The following SYN3 variants were observed in gnomAD, a reference collection of about 807,000 sequenced individuals.
SYN3 encodes the protein synapsin III.
SYN3 carries 35 observed loss-of-function variants against 65.8 expected under a neutral mutation model. The ratio of observed to expected loss-of-function variants is 0.53; its 90% CI spans 0.41 to 0.70. The LOEUF (loss-of-function observed/expected upper bound fraction) is 0.70. Ranked by LOEUF, SYN3 falls within the 30% of genes least tolerant of loss-of-function variation. The pLI, the probability that SYN3 is intolerant of heterozygous loss-of-function variation, is 0.00. For synonymous variants in SYN3, 270 were observed against 292.9 expected (o/e 0.92, Z 0.80); for missense variants, 680 against 749.0 (o/e 0.91, Z 1.08).
chr22:32,600,114 T>C (rs889024626), intron 6 of SYN3, among the ~76,000 whole-genome samples: 1 of 152,152 alleles, frequency 6.6e-6, no homozygotes, highest in African/African-American at 2.4e-5. Context: ...TTGTAATACA[T>C]GATGAAATAA....
intron 7 of SYN3, among the ~76,000 whole-genome samples, chr22:32,550,657 A>G (rs958843128): frequency 2.0e-5 from 3 of 151,852 alleles, no homozygotes; most frequent in Non-Finnish European, 4.4e-5. Flanking sequence ...TTAAAAACAT[A>G]TATGCATTTT....
chr22:32,987,003 G>A (rs1005228151), intron 2 of SYN3, among the ~76,000 whole-genome samples: 2 of 152,132 alleles, frequency 1.3e-5, no homozygotes, highest in Non-Finnish European at 2.9e-5. Context: ...CTCTTTTGTG[G>A]CTGCAGCAGG....
At position 32,541,629 on chromosome 22, in the gene SYN3, T is replaced by C; in HGVS notation, c.859A>G (p.Ile287Val). ...ATGCGGATGTCGTACTTGGAGTCGA[T>C]GAAGGCCTCGGTGGTGGCGTAGGTT... ...AKTYATTEAFIDSKYDIRIQK... is the reference protein window; with the variant it reads ...AKTYATTEAFVDSKYDIRIQK... The change falls in exon 8 of 14, where the codon ATC (isoleucine) becomes GTC (valine). Residue 287 changes from isoleucine to valine, a missense_variant. Coordinates refer to ENST00000358763, the MANE Select transcript of SYN3 (RefSeq NM_003490.4). The C allele has an allele frequency of 6.2e-7, 1 of 1,614,132 alleles. No individual in the cohort carries two copies. Among genetic ancestry groups the C allele is most frequent in the Non-Finnish European group, 8.5e-7 (1 of 1,180,026 alleles).
intron 1 of SYN3, among the ~76,000 whole-genome samples, chr22:33,038,381 C>A (rs1381468180): frequency 6.6e-6 from 1 of 152,218 alleles, no homozygotes; most frequent in East Asian, 1.9e-4. Context: ...TCCAGCTCTG[C>A]AGAAAACAGT....
At chr22:32,619,591 A>G (rs999666544) in intron 6 of SYN3, among the ~76,000 whole-genome samples, 10 of 152,240 alleles carry the variant, frequency 6.6e-5, no homozygotes, top group Non-Finnish European at 1.5e-4. Context: ...CTCCCATAGC[A>G]TCAGACACAG....
chr22:32,649,887 A>G (rs943125703), intron 6 of SYN3, among the ~76,000 whole-genome samples: 3 of 152,186 alleles, frequency 2.0e-5, no homozygotes, highest in African/African-American at 7.2e-5. Flanking sequence ...TTTGGAAAAT[A>G]TTTTCCCAAG....
At chr22:33,030,588 G>C (rs1203427458) in intron 1 of SYN3, among the ~76,000 whole-genome samples, 1 of 151,532 alleles carries the variant, frequency 6.6e-6, no homozygotes, top group African/African-American at 2.4e-5. Context: ...GACAGAGAGA[G>C]AGAGAGACAG....
At chr22:32,527,167 A>C (rs531773487) in intron 12 of SYN3, among the ~76,000 whole-genome samples, 1 of 152,032 alleles carries the variant, frequency 6.6e-6, no homozygotes, top group East Asian at 1.9e-4. Context: ...CCCTTTTTCT[A>C]TCTTTCTTAC....
chr22:32,830,049 CAA>C (rs2047528504), intron 6 of SYN3, among the ~76,000 whole-genome samples: 1 of 152,214 alleles, frequency 6.6e-6, no homozygotes, highest in Admixed American at 6.5e-5. Context: ...ATGCTCCAAA[CAA>C]GAGTAAGTGG....
intron 6 of SYN3, among the ~76,000 whole-genome samples, chr22:32,597,535 A>C (rs140190430): frequency 6.6e-6 from 1 of 152,008 alleles, no homozygotes; most frequent in Non-Finnish European, 1.5e-5. Context: ...TTCAAATAAC[A>C]CTTCAACCAC....
chr22:32,762,935 A>G (rs939821674), intron 6 of SYN3, among the ~76,000 whole-genome samples: 2 of 152,192 alleles, frequency 1.3e-5, no homozygotes, highest in Admixed American at 1.3e-4. Context: ...TACTCTAGAC[A>G]CTTAGGAGCA....
At chr22:32,859,364 CCA>C in intron 6 of SYN3, 1 of 1,610,926 alleles carries the variant, frequency 6.2e-7, no homozygotes, top group Non-Finnish European at 8.5e-7. Context: ...ATCATCAATG[CCA>C]CAGACCCCTG....
chr22:32,933,408 T>A (rs2050689490), intron 3 of SYN3, among the ~76,000 whole-genome samples: 1 of 152,146 alleles, frequency 6.6e-6, no homozygotes, highest in African/African-American at 2.4e-5. Flanking sequence ...CCAGGCGGTG[T>A]GGCACCAGGG....
intron 6 of SYN3, among the ~76,000 whole-genome samples, chr22:32,673,000 TGGAGGGCCCCAGATGGGGTTCAAGTG>T (rs1296926678): frequency 6.6e-6 from 1 of 152,200 alleles, no homozygotes; most frequent in African/African-American, 2.4e-5. Context: ...CAATCCCCTT[TGGAGGGCCCCAGATGGGGTTCAAGTG>T]GGAAAAAATG....
chr22:32,847,420 C>G (rs978003318), intron 6 of SYN3, among the ~76,000 whole-genome samples: 1 of 152,182 alleles, frequency 6.6e-6, no homozygotes, highest in South Asian at 2.1e-4. Context: ...GAGCTGCCTC[C>G]GCTAAATTGC....
intron 6 of SYN3, among the ~76,000 whole-genome samples, chr22:32,671,026 C>A (rs1324627539): frequency 6.6e-6 from 1 of 152,214 alleles, no homozygotes; most frequent in African/African-American, 2.4e-5. Context: ...GGATTCTAGC[C>A]CTGGCACCAT....
intron 6 of SYN3, among the ~76,000 whole-genome samples, chr22:32,798,626 T>C (rs990282294): frequency 4.0e-5 from 6 of 151,774 alleles, no homozygotes; most frequent in Admixed American, 6.6e-5. Flanking sequence ...TTCCCAGATG[T>C]ATAACTCTAT....
chr22:32,808,690 T>A (rs1200842700), intron 6 of SYN3, among the ~76,000 whole-genome samples: 1 of 152,220 alleles, frequency 6.6e-6, no homozygotes, highest in African/African-American at 2.4e-5. Context: ...CCTCATTAAC[T>A]TCTCATTCTC....
chr22:33,050,444 C>A (rs993818585), intron 1 of SYN3, among the ~76,000 whole-genome samples: 13 of 148,100 alleles, frequency 8.8e-5, no homozygotes, highest in Non-Finnish European at 1.5e-4. Flanking sequence ...ATCATGCCAC[C>A]GCACTCCAGC....
Sources: allele counts gnomAD v4.1 joint callset (sites outside exome capture counted in the v4.1 genomes callset), GRCh38; gene constraint gnomAD v4.1.1; transcripts MANE v1.5; gene names NCBI Gene and HGNC (gene_info 2026-07-23, HGNC 2026-07-21).